EEF1AKMT4: variants seen among roughly 807,000 people sequenced by gnomAD.
EEF1AKMT4 encodes EEF1A lysine methyltransferase 4.
EEF1AKMT4 carries 17 observed loss-of-function variants against 23.0 expected under a neutral mutation model. The ratio of observed to expected loss-of-function variants is 0.74; its 90% CI spans 0.51 to 1.11. The LOEUF (loss-of-function observed/expected upper bound fraction) is 1.11. Ranked by LOEUF, EEF1AKMT4 falls within the 50% of genes least tolerant of loss-of-function variation. EEF1AKMT4 has a pLI of 0.00. For missense variants in EEF1AKMT4, 318 were observed against 333.4 expected (o/e 0.95, Z 0.36); for synonymous variants, 140 against 141.4 (o/e 0.99, Z 0.07).
At chr3:184,253,809 A>G (rs184703148) in intron 1 of EEF1AKMT4, among the ~76,000 whole-genome samples, 4 of 151,696 alleles carry the variant, frequency 2.6e-5, no homozygotes, top group Non-Finnish European at 4.4e-5. Context: ...AGCTGGGATT[A>G]CAGGCGCCCA....
rs767736751 is a variant in EEF1AKMT4, at chr3:184,257,660, C to T, written c.384C>T (p.Leu128=). The change falls in exon 2 of 3, where the codon CTC becomes CTT. Residue 128 remains leucine (L), a synonymous_variant. Coordinates refer to ENST00000324557, the MANE Select transcript of EEF1AKMT4 (RefSeq NM_032331.4). The part of the protein sequence containing the change: ...DFPSASFDVV[L]EKGTLDALLA... ...CCAGTGCTTCTTTTGATGTGGTGCT[C>T]GAGAAGGGCACGCTGGATGCCCTGC... 7 of 1,614,146 alleles carry T rather than the reference C, an allele frequency of 4.3e-6. No homozygotes were observed. Among genetic ancestry groups the T allele is most frequent in the African/African-American group, 2.7e-5 (2 of 75,044 alleles).
intron 1 of EEF1AKMT4, among the ~76,000 whole-genome samples, chr3:184,250,102 C>G (rs1374523690): frequency 6.6e-6 from 1 of 152,232 alleles, no homozygotes; most frequent in Non-Finnish European, 1.5e-5. Flanking sequence ...TGGAGAAAGA[C>G]AGTCCCTCAG....
intron 1 of EEF1AKMT4, among the ~76,000 whole-genome samples, chr3:184,254,519 A>G (rs2108449620): frequency 6.7e-6 from 1 of 149,334 alleles, no homozygotes; most frequent in South Asian, 2.1e-4. Flanking sequence ...CCTGGCTAAC[A>G]CGGTGAAACC....
chr3:184,252,953 A>G (rs1719627516), intron 1 of EEF1AKMT4, among the ~76,000 whole-genome samples: 1 of 148,296 alleles, frequency 6.7e-6, no homozygotes, highest in Admixed American at 6.7e-5. Flanking sequence ...TCTCAAAAAA[A>G]AAAAAAAAAA....
rs1719924610 is a variant in EEF1AKMT4, at chr3:184,258,708, G to A, written c.*133G>A. ...AGGGGCCTCATGCCTAAGATAGAGG[G>A]TGGGAGCGAACCCACATGAACCAAT... On this transcript the variant is annotated 3_prime_UTR_variant, in exon 3 of 3. Transcript: ENST00000324557. 1 of 1,444,750 alleles carries A rather than the reference G, an allele frequency of 6.9e-7. No homozygotes were observed. Among genetic ancestry groups the A allele is most frequent in the Non-Finnish European group, 9.1e-7 (1 of 1,104,014 alleles). 89.5% of individuals were successfully genotyped at this position (1,444,750 alleles called of 1,614,324 possible). A position where few individuals can be genotyped will look rare whatever the true frequency, so the allele number is the denominator to read the frequency against.
intron 1 of EEF1AKMT4, among the ~76,000 whole-genome samples, chr3:184,256,778 C>A (rs886688596): frequency 1.3e-5 from 2 of 151,524 alleles, no homozygotes; most frequent in African/African-American, 4.8e-5. Context: ...TCAAGCAATT[C>A]TCCTGCCTCA....
chr3:184,252,223 G>T (rs1164357016), intron 1 of EEF1AKMT4, among the ~76,000 whole-genome samples: 1 of 152,062 alleles, frequency 6.6e-6, no homozygotes, highest in Non-Finnish European at 1.5e-5. Flanking sequence ...CTTAAAATCT[G>T]CTTGACTGGT....
At chr3:184,253,216 G>T (rs1719636918) in intron 1 of EEF1AKMT4, among the ~76,000 whole-genome samples, 1 of 152,128 alleles carries the variant, frequency 6.6e-6, no homozygotes, top group South Asian at 2.1e-4. Flanking sequence ...AAGAGTCACA[G>T]ATGTACACCA....
At chr3:184,253,178 A>G (rs1466666136) in intron 1 of EEF1AKMT4, among the ~76,000 whole-genome samples, 1 of 152,086 alleles carries the variant, frequency 6.6e-6, no homozygotes, top group African/African-American at 2.4e-5. Flanking sequence ...GGAAGAAGCA[A>G]AGTTTCCCTG....
At chr3:184,255,570 TGTCAAGCTGGGACTG>T (rs1208644529) in intron 1 of EEF1AKMT4, among the ~76,000 whole-genome samples, 2 of 152,172 alleles carry the variant, frequency 1.3e-5, no homozygotes, top group African/African-American at 2.4e-5. Context: ...CCAGCTCCAT[TGTCAAGCTGGGACTG>T]GCCATAGGAG....
Position 184,257,668 on chromosome 3 carries a change from G to T in EEF1AKMT4, c.392G>T (p.Gly131Val). 6.2e-7 allele frequency: 1 copy of T among 1,614,214 alleles called. No homozygotes were observed. The highest frequency in any genetic ancestry group is 8.5e-7 in the Non-Finnish European group (1 of 1,180,048). The stretch of plus-strand genomic sequence containing the variant: ...TCTTTTGATGTGGTGCTCGAGAAGG[G>T]CACGCTGGATGCCCTGCTGGCTGGG... ...SASFDVVLEK[G>V]TLDALLAGER... Residue 131 changes from glycine (G) to valine (V), a missense_variant, in exon 2 of 3, where the codon GGC becomes GTC. Transcript: ENST00000324557.
chr3:184,255,562 A>G (rs775307234), intron 1 of EEF1AKMT4, among the ~76,000 whole-genome samples: 18 of 152,332 alleles, frequency 1.2e-4, no homozygotes, highest in Admixed American at 5.9e-4. Flanking sequence ...GCTGTCACCC[A>G]GCTCCATTGT....
At chr3:184,257,330 C>T in intron 1 of EEF1AKMT4, 143 bp from the exon 2 acceptor site, 1 of 823,470 alleles carries the variant, frequency 1.2e-6, no homozygotes, top group Non-Finnish European at 1.8e-6. Flanking sequence ...AAGGCTTGTG[C>T]TTTTTCTGCA....
intron 1 of EEF1AKMT4, among the ~76,000 whole-genome samples, chr3:184,253,700 C>T (rs938437006): frequency 2.7e-5 from 4 of 145,712 alleles, no homozygotes; most frequent in Admixed American, 6.9e-5. Context: ...CATGGAATCT[C>T]GTTCTGTTGT....
chr3:184,257,698 G>C lies in EEF1AKMT4; in HGVS notation c.422G>C (p.Arg141Pro). Residue 141 changes from arginine (R) to proline (P), a missense_variant, in exon 2 of 3, where the codon CGA becomes CCA. Physicochemically the swap from Arg to Pro is moderately radical, Grantham distance 103 (BLOSUM62 -2). Transcript: ENST00000324557. ...CTGGATGCCCTGCTGGCTGGGGAACGAGATCCCTGGACCGTGTCCTCTGAA... is the reference window on the plus strand; with the variant it reads ...CTGGATGCCCTGCTGGCTGGGGAACCAGATCCCTGGACCGTGTCCTCTGAA... ...GTLDALLAGE[R>P]DPWTVSSEGV... is the part of the protein sequence containing the mutation. The C allele has an allele frequency of 6.2e-7, 1 of 1,614,130 alleles. No homozygotes were observed. Among genetic ancestry groups the C allele is most frequent in the Non-Finnish European group, 8.5e-7 (1 of 1,180,036 alleles).
chr3:184,256,913 G>A (rs1334035953), intron 1 of EEF1AKMT4, among the ~76,000 whole-genome samples: 5 of 151,950 alleles, frequency 3.3e-5, no homozygotes, highest in African/African-American at 9.7e-5. Context: ...CAGGTGACCC[G>A]CCCTCCTCGG....
Position 184,249,749 on chromosome 3 carries a change from G to A in EEF1AKMT4, c.55G>A (p.Gly19Arg). 6.2e-7 allele frequency: 1 copy of A among 1,613,038 alleles called. No homozygotes were observed. Among genetic ancestry groups the A allele is most frequent in the Non-Finnish European group, 8.5e-7 (1 of 1,179,912 alleles). ...TCCGGAGTTACCGGAGCGGAACTGC[G>A]GGTACCGCGAAGTCGAGTACTGGGA... ...APPELPERNC[G>R]YREVEYWDQR... The change falls in exon 1 of 3, where the codon GGG becomes AGG. Residue 19 changes from glycine (G) to arginine (R), a missense_variant. Physicochemically the swap from Gly to Arg is moderately radical, Grantham distance 125. Transcript: ENST00000324557.
rs1464810186 is a variant in EEF1AKMT4 at position 184,258,673 on chromosome 3, C to T, written c.*98C>T. ...AGGACTTGGGGTTGGGTCCAAGGTG[C>T]TTACATCCCAGGGGCCTCATGCCTA... On this transcript the variant is annotated 3_prime_UTR_variant, in exon 3 of 3. Coordinates refer to ENST00000324557, the MANE Select transcript of EEF1AKMT4 (RefSeq NM_032331.4). 1 of 1,494,352 alleles carries T rather than the reference C, an allele frequency of 6.7e-7. No homozygotes were observed. The highest frequency in any genetic ancestry group is 8.9e-7 in the Non-Finnish European group (1 of 1,126,602). 92.6% of individuals were successfully genotyped at this position (1,494,352 alleles called of 1,614,324 possible). A position where few individuals can be genotyped will look rare whatever the true frequency, so the allele number is the denominator to read the frequency against.
At chr3:184,250,417 T>C (rs2108446969) in intron 1 of EEF1AKMT4, among the ~76,000 whole-genome samples, 1 of 152,282 alleles carries the variant, frequency 6.6e-6, no homozygotes, top group Non-Finnish European at 1.5e-5. Context: ...TCCTATGCCT[T>C]AGAGAGTGAG....
Sources: gnomAD v4.1 joint callset for allele counts (sites outside exome capture counted in the v4.1 genomes callset) on GRCh38, gnomAD v4.1.1 for gene constraint, MANE v1.5 for transcripts, NCBI Gene and HGNC (gene_info 2026-07-23, HGNC 2026-07-21) for gene names.